Variants in ZRANB3 observed in about 807,000 individuals in gnomAD.
ZRANB3 encodes the protein zinc finger RANBP2-type containing 3.
A neutral mutation model predicts 133.8 loss-of-function variants in ZRANB3; 125 were observed. The ratio of observed to expected loss-of-function variants is 0.93; its 90% CI spans 0.81 to 1.08. The LOEUF is 1.08. ZRANB3 is among the 50% of genes least tolerant of loss of function. The pLI, the probability that ZRANB3 is intolerant of heterozygous loss-of-function variation, is 0.00. For missense variants in ZRANB3, 1,229 were observed against 1,275.5 expected, an observed-to-expected ratio of 0.96 and a Z score of 0.56; for synonymous variants, 387 against 432.7, an observed-to-expected ratio of 0.89 and a Z score of 1.31.
chr2:135,268,020 A>T (rs1680327794), intron 11 of ZRANB3, among the ~76,000 whole-genome samples: 1 of 152,168 alleles, frequency 6.6e-6, no homozygotes, highest in South Asian at 2.1e-4. Flanking sequence ...CCAGAACTCA[A>T]CCATACTGGC....
rs572833251 is a variant in ZRANB3, at chr2:135,430,688, AAAC to A, written c.162-39871_162-39869del. Among the ~76,000 whole-genome samples, 33 of 152,316 alleles carry A rather than the reference AAAC, an allele frequency of 2.2e-4. No homozygotes were observed. The South Asian group carries it at 5.6e-3, about 26-fold the overall frequency. ...ACTTACTACAGAACTGCAATAATCT[AAAC>A]AACATGGTATTTTTATAAGAATAGA... On this transcript the variant is annotated intron_variant, in intron 2 of 20. Coordinates refer to ENST00000264159, the MANE Select transcript of ZRANB3 (RefSeq NM_032143.4).
intron 1 of ZRANB3, among the ~76,000 whole-genome samples, chr2:135,507,924 A>C (rs6721198): frequency 0.032 from 4,800 of 151,898 alleles, 242 homozygotes; most frequent in African/African-American, 0.11. Context: ...TGGATGACAG[A>C]GCGAGACTCT....
intron 2 of ZRANB3, among the ~76,000 whole-genome samples, chr2:135,425,206 A>G (rs564064614): frequency 6.6e-5 from 10 of 152,338 alleles, no homozygotes; most frequent in Non-Finnish European, 8.8e-5. Context: ...ATTCAACACA[A>G]GAGTGGTGAA....
chr2:135,301,189 T>C (rs112900217), intron 8 of ZRANB3, among the ~76,000 whole-genome samples: 6 of 150,802 alleles, frequency 4.0e-5, no homozygotes, highest in Non-Finnish European at 8.9e-5. Flanking sequence ...ATGTTTATTT[T>C]TTTTTTTTTT....
intron 8 of ZRANB3, among the ~76,000 whole-genome samples, chr2:135,302,505 C>T (rs1387730700): frequency 1.3e-5 from 2 of 150,948 alleles, no homozygotes; most frequent in African/African-American, 4.9e-5. Flanking sequence ...ATTGTCAACG[C>T]TTCTGACTTC....
intron 1 of ZRANB3, among the ~76,000 whole-genome samples, chr2:135,520,573 T>C (rs1693892828): frequency 1.3e-5 from 2 of 151,466 alleles, no homozygotes; most frequent in Non-Finnish European, 2.9e-5. Flanking sequence ...CCACCACACC[T>C]GGCTAATTGT....
intron 6 of ZRANB3, among the ~76,000 whole-genome samples, chr2:135,315,826 G>A (rs1305424499): frequency 3.3e-5 from 5 of 152,140 alleles, no homozygotes; most frequent in Non-Finnish European, 7.3e-5. Context: ...TGTAAATGGG[G>A]GTGTTATTGG....
chr2:135,464,517 C>A (rs1477811788), intron 2 of ZRANB3, among the ~76,000 whole-genome samples: 1 of 152,182 alleles, frequency 6.6e-6, no homozygotes, highest in African/African-American at 2.4e-5. Flanking sequence ...TCACAAAAAA[C>A]CTTTAAAAAG....
chr2:135,516,650 G>A (rs1322059529), intron 1 of ZRANB3, among the ~76,000 whole-genome samples: 1 of 152,188 alleles, frequency 6.6e-6, no homozygotes, highest in Non-Finnish European at 1.5e-5. Flanking sequence ...TTAGTCTGAT[G>A]AGCTTCCCTT....
intron 12 of ZRANB3, among the ~76,000 whole-genome samples, chr2:135,235,079 A>G (rs1196412346): frequency 6.6e-6 from 1 of 152,176 alleles, no homozygotes; most frequent in African/African-American, 2.4e-5. Context: ...AATCAAATAG[A>G]CGCAATAAAA....
intron 6 of ZRANB3, among the ~76,000 whole-genome samples, chr2:135,323,919 C>T (rs940983207): frequency 6.6e-6 from 1 of 151,930 alleles, no homozygotes; most frequent in East Asian, 1.9e-4. Context: ...AGGCATGCAA[C>T]AGCCACCTCC....
chr2:135,288,873 C>CAT (rs1248341763), intron 8 of ZRANB3, among the ~76,000 whole-genome samples: 2 of 141,296 alleles, frequency 1.4e-5, no homozygotes, highest in South Asian at 2.3e-4. Flanking sequence ...CTTCATTTAT[C>CAT]GTGTGTGTGT....
At chr2:135,460,486 C>T (rs1050283383) in intron 2 of ZRANB3, among the ~76,000 whole-genome samples, 1 of 152,030 alleles carries the variant, frequency 6.6e-6, no homozygotes, top group African/African-American at 2.4e-5. Context: ...AGGCTGGTAT[C>T]GAACTCTTGA....
chr2:135,527,640 T>A (rs1294008588), intron 1 of ZRANB3, among the ~76,000 whole-genome samples: 1 of 152,166 alleles, frequency 6.6e-6, no homozygotes, highest in African/African-American at 2.4e-5. Flanking sequence ...TTGAAAACAA[T>A]GCAAATATCC....
At chr2:135,388,418 A>C (rs947820746) in intron 3 of ZRANB3, among the ~76,000 whole-genome samples, 2 of 152,208 alleles carry the variant, frequency 1.3e-5, no homozygotes, top group Non-Finnish European at 2.9e-5. Context: ...AGGTGCATCT[A>C]GATTTCTACA....
intron 2 of ZRANB3, among the ~76,000 whole-genome samples, chr2:135,446,002 C>T (rs529727370): frequency 4.0e-5 from 6 of 151,330 alleles, no homozygotes; most frequent in African/African-American, 9.7e-5. Flanking sequence ...GTCAGGAGTT[C>T]GAGACCAGCC....
At chr2:135,381,566 CCT>C (rs1261480125) in intron 3 of ZRANB3, among the ~76,000 whole-genome samples, 1 of 152,160 alleles carries the variant, frequency 6.6e-6, no homozygotes, top group Non-Finnish European at 1.5e-5. Flanking sequence ...GTCCCTGACC[CCT>C]GAGTAGCCTA....
chr2:135,216,600 A>C (rs78421430), intron 17 of ZRANB3, among the ~76,000 whole-genome samples: 5 of 149,700 alleles, frequency 3.3e-5, no homozygotes, highest in Admixed American at 3.3e-4. Context: ...CCACCTGGCT[A>C]ATTTTTTTTT....
At chr2:135,293,207 T>C (rs1007401173) in intron 8 of ZRANB3, among the ~76,000 whole-genome samples, 4 of 152,224 alleles carry the variant, frequency 2.6e-5, no homozygotes, top group African/African-American at 7.2e-5. Context: ...TTTCATGACA[T>C]TGATTCTTCC....
Sources: allele counts gnomAD v4.1 joint callset (sites outside exome capture counted in the v4.1 genomes callset), GRCh38; gene constraint gnomAD v4.1.1; transcripts MANE v1.5; gene names NCBI Gene and HGNC (gene_info 2026-07-23, HGNC 2026-07-21).